POPDC1: variants seen among roughly 807,000 people sequenced by gnomAD.
The protein encoded by POPDC1 is popeye domain-containing protein 1.
At chr6:105,115,361 G>T in the POPDC1 span, among the ~76,000 whole-genome samples, 10 of 152,022 alleles carry the variant, frequency 6.6e-5, no homozygotes, top group Non-Finnish European at 1.5e-5. Flanking sequence ...GTGCTGATCT[G>T]CCCGCCTCAG....
the POPDC1 span, chr6:105,115,716 GA>G: frequency 6.2e-7 from 1 of 1,614,032 alleles, no homozygotes; most frequent in Non-Finnish European, 8.5e-7. Context: ...GTACCCCGAA[GA>G]AACTGGTGCA....
chr6:105,116,926 T>G, the POPDC1 span: 1 of 1,477,510 alleles, frequency 6.8e-7, no homozygotes, highest in Non-Finnish European at 9.2e-7. Flanking sequence ...GAATTATGAC[T>G]ATAGTGATTT....
At chr6:105,133,295 A>C in the POPDC1 span, 2 of 1,399,674 alleles carry the variant, frequency 1.4e-6, no homozygotes, top group Non-Finnish European at 9.9e-7. Context: ...CTCAATGTAA[A>C]GCCCATCTTA....
the POPDC1 span, among the ~76,000 whole-genome samples, chr6:105,107,760 T>C: frequency 6.6e-6 from 1 of 152,212 alleles, no homozygotes; most frequent in African/African-American, 2.4e-5. Flanking sequence ...AAAATTTAAT[T>C]AGATTGTACA....
At chr6:105,106,451 G>C in the POPDC1 span, among the ~76,000 whole-genome samples, 1 of 152,234 alleles carries the variant, frequency 6.6e-6, no homozygotes, top group South Asian at 2.1e-4. Flanking sequence ...AGGACCCTGA[G>C]CACATGCGGA....
the POPDC1 span, chr6:105,124,461 A>T: frequency 1.1e-6 from 1 of 901,178 alleles, no homozygotes; most frequent in Non-Finnish European, 1.8e-6. Context: ...CCAATAATTC[A>T]TAGCAGTGTT....
At chr6:105,133,087 T>C in the POPDC1 span, among the ~76,000 whole-genome samples, 1 of 152,330 alleles carries the variant, frequency 6.6e-6, no homozygotes, top group East Asian at 1.9e-4. Context: ...TTAAAGTTCA[T>C]ACTCTTACAC....
At chr6:105,101,231 A>G in the POPDC1 span, 2 of 1,595,714 alleles carry the variant, frequency 1.3e-6, no homozygotes, top group Non-Finnish European at 1.7e-6. Flanking sequence ...AAGATACAGG[A>G]GGGAAAACCA....
At chr6:105,113,454 C>A in the POPDC1 span, among the ~76,000 whole-genome samples, 1 of 152,180 alleles carries the variant, frequency 6.6e-6, no homozygotes, top group Non-Finnish European at 1.5e-5. Context: ...AATGATCTAT[C>A]CATTGATGTT....
At chr6:105,125,377 C>T in the POPDC1 span, 1 of 1,613,304 alleles carries the variant, frequency 6.2e-7, no homozygotes, top group Non-Finnish European at 8.5e-7. Context: ...TTTTGATTTC[C>T]ACAGAACACT....
chr6:105,123,975 A>C, the POPDC1 span, among the ~76,000 whole-genome samples: 1 of 152,238 alleles, frequency 6.6e-6, no homozygotes, highest in African/African-American at 2.4e-5. Context: ...TCTATAGAAA[A>C]AATTATAAAA....
At chr6:105,128,000 C>T in the POPDC1 span, among the ~76,000 whole-genome samples, 1 of 152,206 alleles carries the variant, frequency 6.6e-6, no homozygotes, top group African/African-American at 2.4e-5. Flanking sequence ...CCTCAGATGA[C>T]CCACCCGCCT....
the POPDC1 span, chr6:105,129,508 T>G: frequency 6.9e-6 from 11 of 1,600,680 alleles, no homozygotes; most frequent in Non-Finnish European, 9.4e-6. Flanking sequence ...TACATCCTGT[T>G]GAAGAGCAAA....
the POPDC1 span, chr6:105,115,677 A>G: frequency 6.2e-7 from 1 of 1,613,846 alleles, no homozygotes; most frequent in Non-Finnish European, 8.5e-7. Context: ...CAGTTTTGGG[A>G]TAACTTACGA....
the POPDC1 span, chr6:105,097,555 C>T: frequency 6.6e-6 from 1 of 152,212 alleles, no homozygotes; most frequent in Non-Finnish European, 1.5e-5. Flanking sequence ...TACCTGGAAA[C>T]ACTGGGGACA....
At chr6:105,113,209 G>A in the POPDC1 span, among the ~76,000 whole-genome samples, 9 of 152,030 alleles carry the variant, frequency 5.9e-5, no homozygotes, top group African/African-American at 2.2e-4. Flanking sequence ...TGAGATTACA[G>A]GTGTGAGGCA....
the POPDC1 span, among the ~76,000 whole-genome samples, chr6:105,101,399 A>C: frequency 6.6e-6 from 1 of 152,210 alleles, no homozygotes; most frequent in Non-Finnish European, 1.5e-5. Flanking sequence ...AACCAAGTCA[A>C]GAAGAGACTC....
chr6:105,117,976 G>A, the POPDC1 span, among the ~76,000 whole-genome samples: 1 of 152,152 alleles, frequency 6.6e-6, no homozygotes, highest in Non-Finnish European at 1.5e-5. Flanking sequence ...AGCCCAGGAA[G>A]GTCGAGGTTG....
At chr6:105,130,596 AT>A in the POPDC1 span, among the ~76,000 whole-genome samples, 4 of 152,174 alleles carry the variant, frequency 2.6e-5, no homozygotes, top group Admixed American at 6.5e-5. Flanking sequence ...TCTGAGAAAC[AT>A]TTCGTTAGAT....
Sources: allele counts gnomAD v4.1 joint callset (sites outside exome capture counted in the v4.1 genomes callset), GRCh38; gene constraint gnomAD v4.1.1; transcripts MANE v1.5; gene names NCBI Gene and HGNC (gene_info 2026-07-23, HGNC 2026-07-21).